The following SMAD3 variants were observed in gnomAD, a reference collection of about 807,000 sequenced individuals.
SMAD3 encodes MAD homolog 3.
A neutral mutation model predicts 51.8 loss-of-function variants in SMAD3; 12 were observed. That is an observed-to-expected ratio of 0.23 (90% CI 0.15 to 0.38). The LOEUF is 0.38. Among genes scored for constraint, SMAD3 ranks in the 10% least tolerant of loss-of-function variants. The pLI is 1.00. For missense variants in SMAD3, 294 were observed against 565.6 expected (o/e 0.52, Z 4.87); for synonymous variants, 238 against 227.7 (o/e 1.05, Z -0.41).
chr15:67,119,522 C>T (rs1961211374), intron 1 of SMAD3, among the ~76,000 whole-genome samples: 1 of 152,106 alleles, frequency 6.6e-6, no homozygotes, highest in Non-Finnish European at 1.5e-5. Context: ...GTGGGGAGCG[C>T]ATGGAGTGCT....
intron 1 of SMAD3, among the ~76,000 whole-genome samples, chr15:67,076,803 C>T (rs929948512): frequency 2.0e-5 from 3 of 152,208 alleles, no homozygotes; most frequent in African/African-American, 7.2e-5. Flanking sequence ...CCAAGTCCTG[C>T]GTGGGCCTCT....
intron 5 of SMAD3, among the ~76,000 whole-genome samples, chr15:67,173,527 CA>C (rs1316536186): frequency 6.6e-6 from 1 of 152,054 alleles, no homozygotes; most frequent in Non-Finnish European, 1.5e-5. Flanking sequence ...GTTGTTGTCT[CA>C]AGAGGGACAA....
At chr15:67,166,092 T>G in intron 3 of SMAD3, 56 of 781,940 alleles carry the variant, frequency 7.2e-5, no homozygotes, top group East Asian at 2.3e-4. Context: ...TTTACTGGGC[T>G]GAGATTGGCT....
intron 1 of SMAD3, among the ~76,000 whole-genome samples, chr15:67,082,787 A>G (rs1216519434): frequency 1.3e-5 from 2 of 152,198 alleles, no homozygotes; most frequent in Non-Finnish European, 2.9e-5. Flanking sequence ...GCCTGTCCCA[A>G]GGCCTCGTGT....
rs16950561 is a variant in SMAD3, at chr15:67,091,526, G to T, written c.206+25166G>T. On this transcript the variant is annotated intron_variant, in intron 1 of 8. Transcript: ENST00000327367. ...GTGGCCATGGTTTCTCCAAAATAAG[G>T]TGTTTTTAGAAATGAAAGTACAGGG... Among the ~76,000 whole-genome samples, 737 of 152,320 alleles carry T rather than the reference G, an allele frequency of 4.8e-3. 23 individuals are homozygous for T. In the East Asian group the frequency reaches 0.099, roughly 20 times the overall value.
chr15:67,080,465 G>A (rs1405797057), intron 1 of SMAD3, among the ~76,000 whole-genome samples: 1 of 152,168 alleles, frequency 6.6e-6, no homozygotes, highest in Admixed American at 6.5e-5. Flanking sequence ...TACTATGTCG[G>A]CACCATCATC....
chr15:67,142,735 A>G (rs1178764560), intron 1 of SMAD3: 1 of 352,684 alleles, frequency 2.8e-6, no homozygotes, highest in African/African-American at 2.2e-5. Flanking sequence ...CCACTGTGCT[A>G]AGTAACAGTG....
At chr15:67,137,729 G>T in intron 1 of SMAD3, among the ~76,000 whole-genome samples, 1 of 152,164 alleles carries the variant, frequency 6.6e-6, no homozygotes. Context: ...TTGATCACCA[G>T]CTTTGTTTGG....
Position 67,105,425 on chromosome 15 carries a change from G to A in SMAD3, c.206+39065G>A, listed in dbSNP as rs1960856263. On this transcript the variant is annotated intron_variant, in intron 1 of 8. Transcript: ENST00000327367. ...TGCGGTGAGTCCAGGATGCTGAGAA[G>A]ATGCCGGGCTGTTGGGTAAGCAGAG... Among the ~76,000 whole-genome samples, 3 of 152,306 alleles carry A rather than the reference G, an allele frequency of 2.0e-5. No homozygotes were observed. The South Asian group carries it at 6.2e-4, about 32-fold the overall frequency.
At chr15:67,156,360 A>G (rs1962283255) in intron 1 of SMAD3, among the ~76,000 whole-genome samples, 2 of 152,242 alleles carry the variant, frequency 1.3e-5, no homozygotes, top group African/African-American at 2.4e-5. Flanking sequence ...TTCACATTTT[A>G]TGCAAATTGA....
intron 4 of SMAD3, 148 bp from the exon 5 acceptor site, chr15:67,170,406 T>C (rs1962715586): frequency 1.4e-6 from 1 of 703,382 alleles, no homozygotes; most frequent in Non-Finnish European, 2.6e-6. Flanking sequence ...GGCAAGGGTA[T>C]GGGCTAGGCC....
At chr15:67,128,775 A>G (rs1031238579) in intron 1 of SMAD3, among the ~76,000 whole-genome samples, 2 of 151,926 alleles carry the variant, frequency 1.3e-5, no homozygotes, top group African/African-American at 2.4e-5. Context: ...GAACCTCGCC[A>G]TTTTGCCAAG....
At chr15:67,150,007 T>C (rs1962084909) in intron 1 of SMAD3, among the ~76,000 whole-genome samples, 1 of 152,204 alleles carries the variant, frequency 6.6e-6, no homozygotes, top group South Asian at 2.1e-4. Flanking sequence ...ACTGAAAGGT[T>C]TGCAAATCCT....
intron 6 of SMAD3, among the ~76,000 whole-genome samples, chr15:67,183,000 A>ATATATATATATATATAT (rs1555413789): frequency 2.3e-5 from 1 of 43,648 alleles, no homozygotes. Context: ...AAAAAAAAAA[A>ATATATATATATATATAT]ATATATATAT....
At chr15:67,126,562 T>C (rs1285651417) in intron 1 of SMAD3, among the ~76,000 whole-genome samples, 1 of 152,178 alleles carries the variant, frequency 6.6e-6, no homozygotes, top group Non-Finnish European at 1.5e-5. Flanking sequence ...ATTAAACCTG[T>C]ACCACCCACT....
intron 5 of SMAD3, among the ~76,000 whole-genome samples, chr15:67,176,048 C>T (rs1301049331): frequency 6.6e-6 from 1 of 152,180 alleles, no homozygotes; most frequent in Non-Finnish European, 1.5e-5. Flanking sequence ...GTATGCTGGT[C>T]ATAAGCTAAA....
chr15:67,187,643 G>T, intron 8 of SMAD3, 134 bp downstream of exon 8: 2 of 1,170,594 alleles, frequency 1.7e-6, no homozygotes, highest in Admixed American at 3.6e-5. Context: ...ATCAGAGAGA[G>T]GCCAAGGCCT....
chr15:67,108,261 G>C (rs1960926590), intron 1 of SMAD3, among the ~76,000 whole-genome samples: 1 of 152,148 alleles, frequency 6.6e-6, no homozygotes, highest in South Asian at 2.1e-4. Context: ...CTGATTTCAA[G>C]TACAACTGCC....
chr15:67,107,965 T>TCCCCCCCCCCCCCCCCCCCCCCCCCCCC (rs138958033), intron 1 of SMAD3, among the ~76,000 whole-genome samples: 2 of 124,638 alleles, frequency 1.6e-5, no homozygotes, highest in African/African-American at 3.2e-5. Context: ...TGCTCTCCTC[T>TCCCCCCCCCCCCCCCCCCCCCCCCCCCC]CCCCCCCACC....
Sources: allele counts gnomAD v4.1 joint callset (sites outside exome capture counted in the v4.1 genomes callset), GRCh38; gene constraint gnomAD v4.1.1; transcripts MANE v1.5; gene names NCBI Gene and HGNC (gene_info 2026-07-23, HGNC 2026-07-21).